The following CNKSR2 variants were observed in gnomAD, a reference collection of about 807,000 sequenced individuals.
The protein encoded by CNKSR2 is connector enhancer of kinase suppressor of Ras 2, also known as CNK homolog protein 2.
CNKSR2 carries 14 observed loss-of-function variants against 84.4 expected under a neutral mutation model. The observed-to-expected ratio is 0.17, with a 90% CI of 0.11 to 0.26. CNKSR2 has a LOEUF of 0.26. Among genes scored for constraint, CNKSR2 ranks in the 10% least tolerant of loss-of-function variants. The pLI, the probability that CNKSR2 is intolerant of heterozygous loss-of-function variation, is 1.00. For missense variants in CNKSR2, 485 were observed against 771.2 expected, an observed-to-expected ratio of 0.63 and a Z score of 4.40; for synonymous variants, 275 against 277.9, an observed-to-expected ratio of 0.99 and a Z score of 0.10.
intron 8 of CNKSR2, among the ~76,000 whole-genome samples, chrX:21,515,557 TA>T (rs1008069417): frequency 6.3e-5 from 7 of 110,740 alleles, no homozygotes; most frequent in African/African-American, 1.3e-4. Context: ...GAATTTTTTT[TA>T]AAAAAAACTT....
At chrX:21,537,565 T>G (rs1263920729) in intron 11 of CNKSR2, among the ~76,000 whole-genome samples, 1 of 111,615 alleles carries the variant, frequency 9.0e-6, no homozygotes, top group African/African-American at 3.2e-5. Flanking sequence ...ACATATATAT[T>G]TACAACTATT....
chrX:21,586,484 C>T (rs1348105099), intron 13 of CNKSR2, among the ~76,000 whole-genome samples: 1 of 111,319 alleles, frequency 9.0e-6, no homozygotes, highest in African/African-American at 3.3e-5. Context: ...GACAGCAAGA[C>T]GCTTAGTTAA....
At chrX:21,461,107 A>G (rs2091055452) in intron 4 of CNKSR2, among the ~76,000 whole-genome samples, 1 of 112,369 alleles carries the variant, frequency 8.9e-6, no homozygotes, top group African/African-American at 3.2e-5. Context: ...AGGAACCTCC[A>G]AACTGTACTC....
At chrX:21,459,187 C>T (rs1001492282) in intron 4 of CNKSR2, among the ~76,000 whole-genome samples, 2 of 109,617 alleles carry the variant, frequency 1.8e-5, no homozygotes, top group African/African-American at 6.6e-5. Context: ...CACCACCCGG[C>T]TACTTTTTGT....
intron 1 of CNKSR2, among the ~76,000 whole-genome samples, chrX:21,404,656 A>G (rs1302038719): frequency 1.9e-5 from 2 of 107,391 alleles, no homozygotes; most frequent in African/African-American, 3.4e-5. Flanking sequence ...GGGCATGGTG[A>G]TGCGTGTCTG....
intron 1 of CNKSR2, among the ~76,000 whole-genome samples, chrX:21,408,322 T>G (rs1281741956): frequency 8.9e-6 from 1 of 111,903 alleles, no homozygotes; most frequent in Non-Finnish European, 1.9e-5. Context: ...GATTTACAGC[T>G]GTCTTGAGTA....
At chrX:21,471,978 A>G (rs1197353559) in intron 5 of CNKSR2, among the ~76,000 whole-genome samples, 1 of 112,041 alleles carries the variant, frequency 8.9e-6, no homozygotes, top group African/African-American at 3.2e-5. Context: ...ACTTTTGCAG[A>G]TGGTGGAACT....
At position 21,374,567 on chromosome X, in the gene CNKSR2, G is replaced by C. The variant is rs919664768; in HGVS notation, c.-331G>C. 7.7e-5 allele frequency: 37 copies of C among 483,042 alleles called. No individual in the cohort carries two copies. Among genetic ancestry groups the C allele is most frequent in the Non-Finnish European group, 1.3e-4 (35 of 274,710 alleles). 39.8% of individuals were successfully genotyped at this position (483,042 alleles called of 1,213,427 possible). ...CAAGCTATGAACTGAAGCTCCCTAG[G>C]GACGGAGACCGGAGCGGAGCGGCGG... is the stretch of plus-strand genomic sequence containing the variant. On this transcript the variant is annotated 5_prime_UTR_variant, in exon 1 of 22. Transcript: ENST00000379510.
chrX:21,483,275 A>G (rs2091341463), intron 5 of CNKSR2, among the ~76,000 whole-genome samples: 2 of 111,242 alleles, frequency 1.8e-5, no homozygotes, highest in Admixed American at 9.6e-5. Flanking sequence ...AGGGACATGG[A>G]TGAAGCTGGA....
chrX:21,447,797 G>A (rs2090874496), intron 4 of CNKSR2, among the ~76,000 whole-genome samples: 1 of 111,552 alleles, frequency 9.0e-6, no homozygotes, highest in Non-Finnish European at 1.9e-5. Context: ...TCCCTTAAAA[G>A]TTCACCAAAA....
chrX:21,532,346 T>C (rs747218643), intron 11 of CNKSR2, among the ~76,000 whole-genome samples: 1 of 111,206 alleles, frequency 9.0e-6, no homozygotes, highest in East Asian at 2.8e-4. Flanking sequence ...ATTTCTTGTG[T>C]GTTAGATGTT....
chrX:21,465,939 G>A (rs1426019426), intron 4 of CNKSR2, among the ~76,000 whole-genome samples: 2 of 111,461 alleles, frequency 1.8e-5, no homozygotes, highest in African/African-American at 6.5e-5. Flanking sequence ...TCCTGTGTGG[G>A]TGTATAGCTC....
intron 21 of CNKSR2, among the ~76,000 whole-genome samples, chrX:21,649,564 T>A (rs1316524356): frequency 1.8e-5 from 2 of 112,442 alleles, no homozygotes; most frequent in East Asian, 5.6e-4. Flanking sequence ...ATTACCCTCC[T>A]ATTATACATT....
At chrX:21,417,705 AT>A (rs1185388436) in intron 1 of CNKSR2, among the ~76,000 whole-genome samples, 2 of 111,655 alleles carry the variant, frequency 1.8e-5, no homozygotes, top group Non-Finnish European at 3.8e-5. Context: ...TTTTCCTGAT[AT>A]GAGTATAGCT....
chrX:21,526,864 C>T lies in CNKSR2; in HGVS notation c.958-3C>T, dbSNP rs2091840387. 8.4e-7 allele frequency: 1 copy of T among 1,196,066 alleles called. No individual in the cohort carries two copies. Among genetic ancestry groups the T allele is most frequent in the South Asian group, 1.8e-5 (1 of 55,200 alleles). The stretch of plus-strand genomic sequence containing the variant: ...TATGTATTTTCTTTTTCATTTTAAC[C>T]AGCCTCTTATACCTAGAAGTCCCAC... On this transcript the variant is annotated splice_polypyrimidine_tract_variant and splice_region_variant and intron_variant, in intron 9 of 21. Coordinates refer to ENST00000379510, the MANE Select transcript of CNKSR2 (RefSeq NM_014927.5).
At chrX:21,637,550 A>T (rs185815914) in intron 20 of CNKSR2, 26 of 111,348 alleles carry the variant, frequency 2.3e-4, no homozygotes, top group African/African-American at 8.1e-4. Context: ...ATTAAAAAAT[A>T]AAAAAAATCT....
At chrX:21,494,438 G>T (rs1418943856) in intron 6 of CNKSR2, 3 of 112,177 alleles carry the variant, frequency 2.7e-5, no homozygotes, top group Non-Finnish European at 5.6e-5. Context: ...CACAGCAAAG[G>T]AGATGTAGCA....
chrX:21,404,958 A>C (rs1429946952), intron 1 of CNKSR2, among the ~76,000 whole-genome samples: 8 of 111,181 alleles, frequency 7.2e-5, no homozygotes, highest in Non-Finnish European at 1.9e-5. Flanking sequence ...TCAATTATGT[A>C]AACTAAAATA....
chrX:21,508,024 T>C (rs1343786302), intron 8 of CNKSR2, among the ~76,000 whole-genome samples: 2 of 112,202 alleles, frequency 1.8e-5, no homozygotes, highest in Non-Finnish European at 3.8e-5. Flanking sequence ...ATAAAAAAAT[T>C]AGTTAAAGGC....
Sources: gnomAD v4.1 joint callset for allele counts (sites outside exome capture counted in the v4.1 genomes callset) on GRCh38, gnomAD v4.1.1 for gene constraint, MANE v1.5 for transcripts, NCBI Gene and HGNC (gene_info 2026-07-23, HGNC 2026-07-21) for gene names.